The following SHTN1 variants were observed in gnomAD, a reference collection of about 807,000 sequenced individuals.
SHTN1 encodes shootin 1.
A neutral mutation model predicts 83.1 loss-of-function variants in SHTN1; 42 were observed. The observed-to-expected ratio is 0.51, with a 90% CI of 0.39 to 0.65. SHTN1 has a LOEUF of 0.65. Ranked by LOEUF, SHTN1 falls within the 30% of genes least tolerant of loss-of-function variation. The pLI is 0.00. For missense variants in SHTN1, 622 were observed against 737.8 expected (o/e 0.84, Z 1.82); for synonymous variants, 224 against 247.7 (o/e 0.90, Z 0.90).
exon 2 of SHTN1, chr10:117,048,457 G>T (rs1398350180): frequency 8.1e-6 from 8 of 985,008 alleles, no homozygotes; most frequent in Non-Finnish European, 8.4e-6. Flanking sequence ...CCTTCTCTGA[G>T]GCAGACTTCA....
At chr10:117,103,690 C>T (rs1385355521) in intron 1 of SHTN1, among the ~76,000 whole-genome samples, 1 of 151,682 alleles carries the variant, frequency 6.6e-6, no homozygotes, top group African/African-American at 2.4e-5. Flanking sequence ...GTGCCCACCA[C>T]CACGCCCGGC....
At chr10:116,889,996 G>T (rs1437196617) in intron 16 of SHTN1, among the ~76,000 whole-genome samples, 1 of 152,084 alleles carries the variant, frequency 6.6e-6, no homozygotes, top group Non-Finnish European at 1.5e-5. Flanking sequence ...CGTATGGGAA[G>T]AGCCACAGAG....
intron 2 of SHTN1, among the ~76,000 whole-genome samples, chr10:117,014,464 G>A (rs763224760): frequency 1.2e-4 from 19 of 152,264 alleles, no homozygotes; most frequent in Admixed American, 2.0e-4. Context: ...ACTGGACACC[G>A]TAAGGCTGAA....
chr10:117,013,797 A>G (rs1032846542), intron 2 of SHTN1, among the ~76,000 whole-genome samples: 4 of 152,236 alleles, frequency 2.6e-5, no homozygotes, highest in Non-Finnish European at 5.9e-5. Context: ...TTATGTTCAC[A>G]GAAAAACCCA....
chr10:117,071,550 C>T (rs1434042731), intron 1 of SHTN1, among the ~76,000 whole-genome samples: 2 of 152,172 alleles, frequency 1.3e-5, no homozygotes, highest in Non-Finnish European at 2.9e-5. Flanking sequence ...GGCATTTATT[C>T]CTGTTCTGTC....
chr10:117,125,810 C>T (rs968354890), intron 1 of SHTN1, among the ~76,000 whole-genome samples: 8 of 152,210 alleles, frequency 5.3e-5, no homozygotes, highest in Admixed American at 1.3e-4. Flanking sequence ...CTCGCATCAG[C>T]TGACAACTAG....
rs765148632 is a variant in SHTN1 at position 116,960,242 on chromosome 10, G to A, written c.173-12C>T. On this transcript the variant is annotated splice_polypyrimidine_tract_variant and intron_variant, in intron 3 of 16. Coordinates refer to ENST00000355371, the MANE Select transcript of SHTN1 (RefSeq NM_001127211.3). ...GACCATGTGAGAAACTAGGAATGAG[G>A]GGGAAAAAAAATCTCAGCATTCAAA... is the stretch of plus-strand genomic sequence containing the variant. The A allele has an allele frequency of 1.6e-5, 23 of 1,473,508 alleles. No homozygotes were observed. In the South Asian group the frequency reaches 2.6e-4, roughly 17 times the overall value. The allele number at this position is 1,473,508 out of a possible 1,614,324, so 91.3% of individuals were successfully genotyped here.
chr10:116,924,746 ATTTTTTTTTTTTTT>A (rs201343735), intron 11 of SHTN1, among the ~76,000 whole-genome samples: 152 of 89,546 alleles, frequency 1.7e-3, no homozygotes, highest in Middle Eastern at 8.8e-3. Flanking sequence ...ATTTTCACCT[ATTTTTTTTTTTTTT>A]TTTTTTTTTT....
At chr10:116,933,218 T>C (rs1017080834) in intron 9 of SHTN1, among the ~76,000 whole-genome samples, 1 of 152,102 alleles carries the variant, frequency 6.6e-6, no homozygotes, top group African/African-American at 2.4e-5. Flanking sequence ...GTGTAGAATG[T>C]GCAGGTTTGT....
At chr10:117,013,484 T>C (rs1218656738) in intron 2 of SHTN1, among the ~76,000 whole-genome samples, 1 of 152,158 alleles carries the variant, frequency 6.6e-6, no homozygotes, top group Non-Finnish European at 1.5e-5. Context: ...CAGAAAAATA[T>C]TTTTAAATGG....
intron 14 of SHTN1, chr10:116,908,052 T>C: frequency 2.3e-6 from 1 of 432,962 alleles, no homozygotes; most frequent in South Asian, 1.7e-5. Context: ...AATCTCATAA[T>C]TAACCTCTAT....
chr10:117,008,852 G>T (rs563332368), upstream of SHTN1, among the ~76,000 whole-genome samples: 4 of 152,204 alleles, frequency 2.6e-5, no homozygotes, highest in African/African-American at 9.6e-5. Context: ...TGTGGCTCAC[G>T]CCTGTAATCC....
Position 116,986,474 on chromosome 10 carries a change from CA to C in SHTN1, c.59-7167del, listed in dbSNP as rs1164759371. Among the ~76,000 whole-genome samples, 9 of 152,102 alleles carry C rather than the reference CA, an allele frequency of 5.9e-5. No individual in the cohort carries two copies. The East Asian group carries it at 1.4e-3, about 23-fold the overall frequency. The stretch of plus-strand genomic sequence containing the variant: ...GGACAAGTTTGAGAGTTAAAATGTC[CA>C]GGGGGACATAGCCTTAGAGGGGCCC... On this transcript the variant is annotated intron_variant, in intron 1 of 16. Transcript: ENST00000355371.
intron 2 of SHTN1, among the ~76,000 whole-genome samples, chr10:117,029,107 T>C (rs930508283): frequency 1.3e-5 from 2 of 152,198 alleles, no homozygotes; most frequent in African/African-American, 4.8e-5. Flanking sequence ...ACCTCTTATA[T>C]CAGTGTGCCC....
In SHTN1 at chr10:116,929,792, G is replaced by A. The variant is rs1185219666; in HGVS notation, c.1012+57C>T. 1.2e-5 allele frequency: 15 copies of A among 1,227,972 alleles called. No individual in the cohort carries two copies. The South Asian group carries it at 1.8e-4, about 15-fold the overall frequency. 76.1% of individuals were successfully genotyped at this position (1,227,972 alleles called of 1,614,324 possible). A position where few individuals can be genotyped will look rare whatever the true frequency, so the allele number is the denominator to read the frequency against. ...TAACTATATGCCAGGTTTTGTACTA[G>A]GCATGAGTAATTCAAAGATTAATAG... On this transcript the variant is annotated intron_variant, in intron 10 of 16. Transcript: ENST00000355371.
intron 1 of SHTN1, among the ~76,000 whole-genome samples, chr10:116,997,831 G>A (rs1185344682): frequency 6.6e-6 from 1 of 152,122 alleles, no homozygotes; most frequent in African/African-American, 2.4e-5. Flanking sequence ...GATGGCTCAC[G>A]CCTGTAAACC....
At chr10:117,059,493 C>T (rs530269271) in intron 1 of SHTN1, among the ~76,000 whole-genome samples, 3 of 152,120 alleles carry the variant, frequency 2.0e-5, no homozygotes, top group Non-Finnish European at 2.9e-5. Flanking sequence ...ACAAGTGAAT[C>T]GCTAAGTACA....
At chr10:117,005,220 T>C (rs1851975046), upstream of SHTN1, 1 of 1,505,288 alleles carries the variant, frequency 6.6e-7, no homozygotes, top group East Asian at 2.5e-5. Flanking sequence ...CTCCTCCTCC[T>C]GGCGCGGAGC....
chr10:117,109,853 A>G (rs886405755), intron 1 of SHTN1, among the ~76,000 whole-genome samples: 1 of 152,090 alleles, frequency 6.6e-6, no homozygotes, highest in Non-Finnish European at 1.5e-5. Context: ...AATCACAAAA[A>G]TAAAACACAA....
Sources: allele counts gnomAD v4.1 joint callset (sites outside exome capture counted in the v4.1 genomes callset), GRCh38; gene constraint gnomAD v4.1.1; transcripts MANE v1.5; gene names NCBI Gene and HGNC (gene_info 2026-07-23, HGNC 2026-07-21).